Variants in NECAB1 observed in about 807,000 individuals in gnomAD.
The protein encoded by NECAB1 is N-terminal EF-hand calcium binding protein 1, also known as N-terminal EF-hand calcium-binding protein 1.
In NECAB1, 29 loss-of-function variants were observed where a neutral mutation model predicts 57.5. The observed-to-expected ratio is 0.50, with a 90% CI of 0.38 to 0.69. NECAB1 has a LOEUF of 0.69. Among genes scored for constraint, NECAB1 ranks in the 30% least tolerant of loss-of-function variants. The pLI is 0.00. For missense variants in NECAB1, 372 were observed against 413.8 expected (o/e 0.90, Z 0.88); for synonymous variants, 142 against 147.7 (o/e 0.96, Z 0.28).
At chr8:90,855,752 T>A (rs1439740658) in intron 3 of NECAB1, among the ~76,000 whole-genome samples, 2 of 152,138 alleles carry the variant, frequency 1.3e-5, no homozygotes, top group Non-Finnish European at 2.9e-5. Flanking sequence ...TTTTACCCAA[T>A]TTTGGTGAAT....
At chr8:90,894,412 A>T (rs1809273080) in intron 5 of NECAB1, among the ~76,000 whole-genome samples, 1 of 152,192 alleles carries the variant, frequency 6.6e-6, no homozygotes, top group African/African-American at 2.4e-5. Flanking sequence ...AAATGGAGAG[A>T]TGTCTCCAGA....
At chr8:90,819,451 C>T (rs1812108467) in intron 2 of NECAB1, among the ~76,000 whole-genome samples, 1 of 151,930 alleles carries the variant, frequency 6.6e-6, no homozygotes, top group Non-Finnish European at 1.5e-5. Context: ...ATGTCAATCT[C>T]ACTAGGATGG....
intron 9 of NECAB1, among the ~76,000 whole-genome samples, chr8:90,937,678 TAA>T (rs1194396375): frequency 1.3e-5 from 2 of 152,206 alleles, no homozygotes; most frequent in African/African-American, 4.8e-5. Context: ...CAAAGGTTTT[TAA>T]AAAGTCATGA....
In NECAB1 at chr8:90,957,221, C is replaced by T. The variant is rs1344115133; in HGVS notation, c.*1709C>T. ...TAAAACCTAAATGACTTTTGACATACAAACTCTTCTTGAGAATGTTTGTTG... is the reference window on the plus strand; with the variant it reads ...TAAAACCTAAATGACTTTTGACATATAAACTCTTCTTGAGAATGTTTGTTG... On this transcript the variant is annotated 3_prime_UTR_variant, in exon 13 of 13. Transcript: ENST00000417640. 1 of 151,904 alleles carries T rather than the reference C, an allele frequency of 6.6e-6. No individual in the cohort carries two copies. The highest frequency in any genetic ancestry group is 1.5e-5 in the Non-Finnish European group (1 of 67,908). The allele number at this position is 151,904 out of a possible 1,614,324, so 9.4% of individuals were successfully genotyped here.
chr8:90,832,325 C>T (rs1812309544), intron 3 of NECAB1, among the ~76,000 whole-genome samples: 1 of 152,230 alleles, frequency 6.6e-6, no homozygotes, highest in South Asian at 2.1e-4. Flanking sequence ...GATTGGGGCA[C>T]TGCATTCTTC....
chr8:90,813,232 TATACACACACACACACAC>T (rs1215483610), intron 2 of NECAB1: 179 of 49,516 alleles, frequency 3.6e-3, no homozygotes, highest in African/African-American at 0.016. Flanking sequence ...TATATGTATA[TATACACACACACACACAC>T]ACACACACAC....
intron 2 of NECAB1, among the ~76,000 whole-genome samples, chr8:90,803,661 C>A (rs1391325346): frequency 6.6e-6 from 1 of 152,162 alleles, no homozygotes; most frequent in East Asian, 1.9e-4. Context: ...TACCGCCTCT[C>A]CTAATGTCCA....
chr8:90,830,798 G>A (rs1260947193), intron 3 of NECAB1, among the ~76,000 whole-genome samples: 1 of 152,076 alleles, frequency 6.6e-6, no homozygotes, highest in African/African-American at 2.4e-5. Flanking sequence ...GATGAGGGAT[G>A]GAGTCAGAGG....
intron 2 of NECAB1, among the ~76,000 whole-genome samples, chr8:90,811,441 G>C (rs1381611473): frequency 1.3e-5 from 2 of 152,138 alleles, no homozygotes; most frequent in African/African-American, 4.8e-5. Flanking sequence ...GGATGGCCTA[G>C]GAAGGCTTAT....
chr8:90,937,147 GAATA>G (rs961985163), intron 9 of NECAB1, among the ~76,000 whole-genome samples: 5 of 152,118 alleles, frequency 3.3e-5, no homozygotes, highest in African/African-American at 1.2e-4. Flanking sequence ...TCCTCTCCTG[GAATA>G]AATAGTTTAT....
At chr8:90,894,562 G>A (rs1809276747) in intron 5 of NECAB1, among the ~76,000 whole-genome samples, 1 of 152,130 alleles carries the variant, frequency 6.6e-6, no homozygotes, top group Non-Finnish European at 1.5e-5. Context: ...ATGCATGTAG[G>A]GGGTCTAGTA....
At chr8:90,880,995 C>A in intron 4 of NECAB1, 38 bp from the exon 5 acceptor site, 2 of 1,461,430 alleles carry the variant, frequency 1.4e-6, no homozygotes. Flanking sequence ...GTTACCTAAA[C>A]TCAAATATGA....
At chr8:90,898,955 T>C (rs759824369) in intron 5 of NECAB1, among the ~76,000 whole-genome samples, 8 of 152,152 alleles carry the variant, frequency 5.3e-5, no homozygotes, top group Non-Finnish European at 1.0e-4. Context: ...GCAAGAGATA[T>C]GTTGGGAGAA....
intron 1 of NECAB1, among the ~76,000 whole-genome samples, chr8:90,800,227 G>T (rs541916190): frequency 6.6e-6 from 1 of 152,188 alleles, no homozygotes; most frequent in East Asian, 1.9e-4. Context: ...AGTTTTCTAG[G>T]TATAAGATTA....
At chr8:90,808,621 C>G (rs1405760666) in intron 2 of NECAB1, among the ~76,000 whole-genome samples, 1 of 149,380 alleles carries the variant, frequency 6.7e-6, no homozygotes, top group African/African-American at 2.5e-5. Context: ...TTTTTTCATC[C>G]TAATCCTTTT....
intron 6 of NECAB1, among the ~76,000 whole-genome samples, chr8:90,918,642 G>C (rs1006669536): frequency 1.3e-5 from 2 of 152,194 alleles, no homozygotes; most frequent in Admixed American, 1.3e-4. Flanking sequence ...CTGGTGGGAA[G>C]ACAAGACTTG....
At position 90,876,482 on chromosome 8, in the gene NECAB1, T is replaced by C. The variant is rs188489676; in HGVS notation, c.259+4329T>C. On this transcript the variant is annotated intron_variant, in intron 4 of 12. Transcript: ENST00000417640. ...CATCTAAACTCATGAGAATACTTTG[T>C]AAGACCAGTTTCCACTGAGACTTTT... is the stretch of plus-strand genomic sequence containing the variant. Among the ~76,000 whole-genome samples the C allele has an allele frequency of 5.3e-4, 81 of 152,182 alleles. 2 individuals are homozygous for C. Among genetic ancestry groups the C allele is most frequent in the Admixed American group, 1.9e-3 (29 of 15,288 alleles).
At chr8:90,798,737 G>A (rs1811708855) in intron 1 of NECAB1, among the ~76,000 whole-genome samples, 1 of 152,118 alleles carries the variant, frequency 6.6e-6, no homozygotes, top group African/African-American at 2.4e-5. Context: ...TTTTGCTATT[G>A]TGAATAATGC....
At chr8:90,805,179 A>G (rs1174565762) in intron 2 of NECAB1, among the ~76,000 whole-genome samples, 1 of 152,228 alleles carries the variant, frequency 6.6e-6, no homozygotes, top group African/African-American at 2.4e-5. Context: ...GAGAAGATAA[A>G]AGCATATAAA....
Sources: allele counts gnomAD v4.1 joint callset (sites outside exome capture counted in the v4.1 genomes callset), GRCh38; gene constraint gnomAD v4.1.1; transcripts MANE v1.5; gene names NCBI Gene and HGNC (gene_info 2026-07-23, HGNC 2026-07-21).